The following AGBL1 variants were observed in gnomAD, a reference collection of about 807,000 sequenced individuals.
AGBL1 encodes AGBL carboxypeptidase 1, also known as cytosolic carboxypeptidase 4.
Under a neutral mutation model 118.9 loss-of-function variants are expected in AGBL1, and 130 were observed. The ratio of observed to expected loss-of-function variants is 1.09; its 90% CI spans 0.95 to 1.26. The LOEUF is 1.26. Among genes scored for constraint, AGBL1 ranks in the 50% most tolerant of loss-of-function variants. The pLI, the probability that AGBL1 is intolerant of heterozygous loss-of-function variation, is 0.00. For missense variants in AGBL1, 1,584 were observed against 1,298.1 expected (o/e 1.22, Z -3.38); for synonymous variants, 555 against 478.9 (o/e 1.16, Z -2.08).
rs184671992 is a variant in AGBL1, at chr15:86,226,829, C to G, written c.526+1878C>G. 1.1e-3 allele frequency among the ~76,000 whole-genome samples: 163 copies of G among 152,254 alleles called. 1 individual carries two copies. Among genetic ancestry groups the G allele is most frequent in the African/African-American group, 3.7e-3 (154 of 41,548 alleles). Reference sequence around the variant, plus strand: ...CTCTGACTACCACAACTTGGATGCCCCTCACCAATGCTTTTATAGGCTCTC... The same window carrying G: ...CTCTGACTACCACAACTTGGATGCCGCTCACCAATGCTTTTATAGGCTCTC... On this transcript the variant is annotated intron_variant, in intron 6 of 22. Transcript: ENST00000614907.
chr15:86,147,938 T>C (rs2077054616), intron 3 of AGBL1, among the ~76,000 whole-genome samples: 2 of 152,222 alleles, frequency 1.3e-5, no homozygotes, highest in Admixed American at 1.3e-4. Context: ...TATTTGCTGT[T>C]CTGCAGTATT....
At chr15:86,374,113 G>C (rs949045690) in intron 17 of AGBL1, among the ~76,000 whole-genome samples, 1 of 152,194 alleles carries the variant, frequency 6.6e-6, no homozygotes, top group African/African-American at 2.4e-5. Flanking sequence ...GTGTTTACTT[G>C]ACTTGGTGAA....
At chr15:86,644,044 CTT>C (rs1204582553) in intron 21 of AGBL1, among the ~76,000 whole-genome samples, 2 of 151,946 alleles carry the variant, frequency 1.3e-5, no homozygotes. Context: ...TCTTTGGAGA[CTT>C]AAAAAAATTT....
chr15:86,646,630 G>A (rs924639189), intron 21 of AGBL1, among the ~76,000 whole-genome samples: 3 of 151,894 alleles, frequency 2.0e-5, no homozygotes, highest in African/African-American at 4.8e-5. Context: ...AGTATACTCT[G>A]CCCCACTATA....
At chr15:86,237,315 T>C (rs372736138) in intron 6 of AGBL1, among the ~76,000 whole-genome samples, 2 of 152,184 alleles carry the variant, frequency 1.3e-5, no homozygotes, top group East Asian at 1.9e-4. Flanking sequence ...AGAGGCACAA[T>C]GCAGTGTGAA....
chr15:86,509,013 A>G (rs780453161), intron 18 of AGBL1, among the ~76,000 whole-genome samples: 8 of 152,146 alleles, frequency 5.3e-5, no homozygotes, highest in Non-Finnish European at 1.2e-4. Context: ...AGGTCGAAAT[A>G]AAAAGACAGG....
At chr15:86,715,505 T>C (rs958284676) in intron 22 of AGBL1, among the ~76,000 whole-genome samples, 1 of 152,190 alleles carries the variant, frequency 6.6e-6, no homozygotes, top group Non-Finnish European at 1.5e-5. Flanking sequence ...TTTAGTCTTA[T>C]TTTACCTTTC....
chr15:86,869,345 C>A (rs2079685853), intron 22 of AGBL1, among the ~76,000 whole-genome samples: 1 of 152,264 alleles, frequency 6.6e-6, no homozygotes, highest in East Asian at 1.9e-4. Context: ...CACAGAGAAT[C>A]CAGCTGCAGG....
chr15:86,475,114 A>G (rs1664001049), intron 18 of AGBL1, among the ~76,000 whole-genome samples: 1 of 152,220 alleles, frequency 6.6e-6, no homozygotes, highest in Non-Finnish European at 1.5e-5. Flanking sequence ...TAAAACCACA[A>G]AAGTGGGGAA....
At chr15:87,029,017 G>A (rs1233092371) in exon 25 of AGBL1, 3 of 598,348 alleles carry the variant, frequency 5.0e-6, no homozygotes, top group Non-Finnish European at 8.4e-6. Flanking sequence ...AAAACATAAG[G>A]ACAGGCAATC....
At chr15:86,228,797 C>T (rs985988179) in intron 6 of AGBL1, among the ~76,000 whole-genome samples, 2 of 152,172 alleles carry the variant, frequency 1.3e-5, no homozygotes, top group Non-Finnish European at 2.9e-5. Flanking sequence ...AACACATTTC[C>T]CGTCTCTGTC....
intron 21 of AGBL1, among the ~76,000 whole-genome samples, chr15:86,562,523 T>C (rs1182467041): frequency 6.6e-6 from 1 of 152,238 alleles, no homozygotes; most frequent in Non-Finnish European, 1.5e-5. Flanking sequence ...AGCTTTTTGA[T>C]GTGCTGCTGG....
chr15:86,463,985 A>G (rs1227759664), intron 18 of AGBL1, among the ~76,000 whole-genome samples: 2 of 152,140 alleles, frequency 1.3e-5, no homozygotes, highest in East Asian at 1.9e-4. Context: ...AAGAAGGTCA[A>G]TGGTGGCTTG....
In AGBL1 at chr15:86,154,449, G is replaced by A; in HGVS notation, c.282G>A (p.Lys94=). 3 of 1,612,624 alleles carry A rather than the reference G, an allele frequency of 1.9e-6. No homozygotes were observed. Among genetic ancestry groups the A allele is most frequent in the Non-Finnish European group, 2.5e-6 (3 of 1,179,340 alleles). Residue 94 remains lysine, a synonymous_variant, in exon 4 of 23, where the codon AAG becomes AAA. Coordinates refer to ENST00000614907, the MANE Select transcript of AGBL1 (RefSeq NM_001386094.1). ...VGLRDKKIGR[K]ALELEALDVT... is the part of the protein sequence containing the mutation. The stretch of plus-strand genomic sequence containing the variant: ...TCTTAGATAAAAAGATTGGACGGAA[G>A]GCCCTAGAATTGGAAGCACTTGATG...
chr15:86,808,130 T>A (rs1404683580), intron 22 of AGBL1, among the ~76,000 whole-genome samples: 5 of 152,170 alleles, frequency 3.3e-5, no homozygotes, highest in Admixed American at 2.0e-4. Context: ...TATTTTTTCT[T>A]CTAATAAATT....
intron 21 of AGBL1, among the ~76,000 whole-genome samples, chr15:86,566,916 C>T (rs1197624205): frequency 6.6e-6 from 1 of 152,176 alleles, no homozygotes; most frequent in Non-Finnish European, 1.5e-5. Flanking sequence ...GACCTTGAGA[C>T]AGTTCCTGAC....
At chr15:86,604,219 A>G (rs1271370095) in intron 21 of AGBL1, among the ~76,000 whole-genome samples, 1 of 152,208 alleles carries the variant, frequency 6.6e-6, no homozygotes, top group Non-Finnish European at 1.5e-5. Context: ...ACAAAGTTGT[A>G]ATATGAAATT....
At chr15:86,288,293 C>A (rs901401690) in intron 16 of AGBL1, among the ~76,000 whole-genome samples, 1 of 152,136 alleles carries the variant, frequency 6.6e-6, no homozygotes, top group Admixed American at 6.5e-5. Flanking sequence ...AACTAAGGAG[C>A]TGGAATTTTC....
At chr15:86,253,586 C>T (rs1284874347) in intron 7 of AGBL1, among the ~76,000 whole-genome samples, 2 of 152,046 alleles carry the variant, frequency 1.3e-5, no homozygotes, top group Non-Finnish European at 2.9e-5. Context: ...GAGAAGAGGA[C>T]ATGAATTAAA....
Sources: gnomAD v4.1 joint callset for allele counts (sites outside exome capture counted in the v4.1 genomes callset) on GRCh38, gnomAD v4.1.1 for gene constraint, MANE v1.5 for transcripts, NCBI Gene and HGNC (gene_info 2026-07-23, HGNC 2026-07-21) for gene names.